Variants in EPB41L1 observed in about 807,000 individuals in gnomAD.
EPB41L1 encodes the protein band 4.1-like protein 1.
A neutral mutation model predicts 97.8 loss-of-function variants in EPB41L1; 29 were observed. The observed-to-expected ratio is 0.30, with a 90% CI of 0.22 to 0.40. The LOEUF is 0.40. Ranked by LOEUF, EPB41L1 falls within the 10% of genes least tolerant of loss-of-function variation. EPB41L1 has a pLI of 1.00. For synonymous variants in EPB41L1, 383 were observed against 459.2 expected (o/e 0.83, Z 2.12); for missense variants, 812 against 1,162.3 (o/e 0.70, Z 4.38).
intron 2 of EPB41L1, among the ~76,000 whole-genome samples, chr20:36,136,138 G>T (rs1397038179): frequency 1.3e-5 from 2 of 151,834 alleles, no homozygotes; most frequent in African/African-American, 4.8e-5. Context: ...TTTCAAAATT[G>T]TGGTAAAATA....
intron 12 of EPB41L1, among the ~76,000 whole-genome samples, chr20:36,194,930 ACAG>A (rs1262381120): frequency 1.3e-5 from 2 of 152,220 alleles, no homozygotes; most frequent in African/African-American, 4.8e-5. Flanking sequence ...ATGCACACAC[ACAG>A]GTGTGTGCAC....
Position 36,195,353 on chromosome 20 carries a change from C to T in EPB41L1, c.1474C>T (p.His492Tyr), listed in dbSNP as rs1480004462. The change falls in exon 13 of 22, where the codon CAC (histidine) becomes TAC (tyrosine). Residue 492 changes from histidine to tyrosine, a missense_variant. By Grantham distance (83) the His-to-Tyr change is moderately conservative (BLOSUM62 2). Transcript: ENST00000338074. The surrounding 1 kb of genome is among the most constrained non-coding windows in gnomAD (Gnocchi z 4.6). ...LKPEQETTPR[H>Y]KQEFLDKPED... ...GCCGGAGCAGGAAACCACGCCGAGA[C>T]ACAAGCAGGAGGTACTGCATGGGAC... 1 of 1,614,078 alleles carries T rather than the reference C, an allele frequency of 6.2e-7. No individual in the cohort carries two copies. The highest frequency in any genetic ancestry group is 1.7e-5 in the Admixed American group (1 of 60,018).
intron 16 of EPB41L1, among the ~76,000 whole-genome samples, chr20:36,213,475 C>T (rs1457905338): frequency 1.3e-5 from 2 of 152,090 alleles, no homozygotes; most frequent in African/African-American, 2.4e-5. Flanking sequence ...ATTTCTTTCT[C>T]CCACTTTTAT....
intron 1 of EPB41L1, among the ~76,000 whole-genome samples, chr20:36,165,749 G>T (rs941593565): frequency 6.6e-6 from 1 of 152,182 alleles, no homozygotes; most frequent in Non-Finnish European, 1.5e-5. Flanking sequence ...GATCAGATCG[G>T]AAGTGGAAGC....
intron 1 of EPB41L1, among the ~76,000 whole-genome samples, chr20:36,161,327 T>A (rs1359472956): frequency 6.6e-6 from 1 of 152,262 alleles, no homozygotes; most frequent in Non-Finnish European, 1.5e-5. Flanking sequence ...TTTGTCCATC[T>A]GTCTGGTGGT....
intron 1 of EPB41L1, chr20:36,155,381 C>G (rs537587567): frequency 5.5e-5 from 20 of 362,860 alleles, no homozygotes; most frequent in South Asian, 3.9e-4. Context: ...TTCCAAGTAC[C>G]TCAGAGCTGC....
rs1432058528 is a variant in EPB41L1, at chr20:36,103,034, T to C, written c.-64-9392T>C. Reference sequence around the variant, plus strand: ...TCACTGTTGAAATCCTGTCTGCCTTTTCAAGGCTCAGCTCAGATGCCAGCC... The same window carrying C: ...TCACTGTTGAAATCCTGTCTGCCTTCTCAAGGCTCAGCTCAGATGCCAGCC... On this transcript the variant is annotated intron_variant, in intron 1 of 19. Coordinates refer to the EPB41L1 transcript ENST00000202028. 3.9e-5 allele frequency among the ~76,000 whole-genome samples: 6 copies of C among 152,238 alleles called. No homozygotes were observed. The East Asian group carries it at 7.7e-4, about 20-fold the overall frequency.
intron 1 of EPB41L1, among the ~76,000 whole-genome samples, chr20:36,163,687 G>A (rs888088668): frequency 1.3e-5 from 2 of 152,134 alleles, no homozygotes; most frequent in African/African-American, 2.4e-5. Context: ...ACTAGCTCTC[G>A]GCCTGAATGA....
At chr20:36,142,015 G>C (rs1050173891) in intron 2 of EPB41L1, among the ~76,000 whole-genome samples, 1 of 151,654 alleles carries the variant, frequency 6.6e-6, no homozygotes, top group Non-Finnish European at 1.5e-5. Context: ...AGGCTGAGGT[G>C]GGAGAATTGC....
At position 36,206,630 on chromosome 20, in the gene EPB41L1, AG is replaced by A; in HGVS notation, c.1669-2856del. 1 of 1,289,832 alleles carries A rather than the reference AG, an allele frequency of 7.8e-7. No homozygotes were observed. 79.9% of individuals were successfully genotyped at this position (1,289,832 alleles called of 1,614,324 possible). ...TCTGCTGCTGCTTCCAGCAGGAGCA[AG>A]GACGAAGCCCACATGACTTCCCCAA... is the stretch of plus-strand genomic sequence containing the variant. On this transcript the variant is annotated intron_variant, in intron 14 of 21. Transcript: ENST00000338074. The surrounding 1 kb of genome is among the most constrained non-coding windows in gnomAD (Gnocchi z 5.5).
chr20:36,138,450 A>T (rs2059503567), intron 2 of EPB41L1, among the ~76,000 whole-genome samples: 1 of 151,778 alleles, frequency 6.6e-6, no homozygotes, highest in Admixed American at 6.6e-5. Flanking sequence ...TTTAGTAGAG[A>T]CAGGGTTTCA....
intron 11 of EPB41L1, among the ~76,000 whole-genome samples, chr20:36,192,412 T>A (rs1170590981): frequency 1.3e-5 from 2 of 150,466 alleles, no homozygotes; most frequent in East Asian, 3.9e-4. Context: ...GCGCCTGTAG[T>A]CCCAGCTACT....
Position 36,207,494 on chromosome 20 carries a change from T to C in EPB41L1, c.1669-1994T>C. The C allele has an allele frequency of 7.8e-7, 1 of 1,289,830 alleles. No individual in the cohort carries two copies. Among genetic ancestry groups the C allele is most frequent in the Non-Finnish European group, 1.0e-6 (1 of 988,880 alleles). The allele number at this position is 1,289,830 out of a possible 1,614,324, so 79.9% of individuals were successfully genotyped here. On this transcript the variant is annotated intron_variant, in intron 14 of 21. Coordinates refer to ENST00000338074, the MANE Select transcript of EPB41L1 (RefSeq NM_012156.2). The surrounding 1 kb of genome is among the most constrained non-coding windows in gnomAD (Gnocchi z 4.9). ...ACCCACGGAGCTGAAACTCGCCGAA[T>C]GAGTGAGGGTGAAGCAAGGTCCCTT...
intron 2 of EPB41L1, 27 bp downstream of exon 2, chr20:36,173,981 C>G: frequency 6.3e-7 from 1 of 1,597,894 alleles, no homozygotes; most frequent in East Asian, 2.3e-5. Context: ...ATGGGCGTAC[C>G]TTTCCTGCCC....
intron 1 of EPB41L1, among the ~76,000 whole-genome samples, chr20:36,105,974 C>T (rs2058177985): frequency 1.3e-5 from 2 of 152,178 alleles, no homozygotes; most frequent in South Asian, 4.1e-4. Flanking sequence ...CCACCTGGCC[C>T]TTTCCCCTGC....
intron 8 of EPB41L1, 123 bp downstream of exon 8, chr20:36,187,886 C>A: frequency 1.3e-6 from 1 of 790,802 alleles, no homozygotes; most frequent in Non-Finnish European, 2.2e-6. Flanking sequence ...CTTTTCTGTT[C>A]TCATTCTCAT....
At position 36,209,610 on chromosome 20, in the gene EPB41L1, C is replaced by T. The variant is rs1169649675; in HGVS notation, c.1791C>T (p.Asn597=). The stretch of plus-strand genomic sequence containing the variant: ...GGGACACGGTGTTCCTGAAGGACAA[C>T]CACCTGGCCATTGAGCGCAAGTGCT... ...QERDTVFLKD[N]HLAIERKCSS... Residue 597 remains asparagine, a synonymous_variant, in exon 15 of 22, where the codon AAC becomes AAT. Transcript: ENST00000338074. The surrounding 1 kb of genome is among the most constrained non-coding windows in gnomAD (Gnocchi z 4.2). 6.2e-7 allele frequency: 1 copy of T among 1,614,168 alleles called. No individual in the cohort carries two copies. Among genetic ancestry groups the T allele is most frequent in the Non-Finnish European group, 8.5e-7 (1 of 1,180,034 alleles).
chr20:36,183,232 TC>T (rs150873524), intron 6 of EPB41L1, among the ~76,000 whole-genome samples: 3,001 of 152,264 alleles, frequency 0.02, 65 homozygotes, highest in African/African-American at 0.055. Context: ...GGCTTGGAGT[TC>T]CCCTACAGCA....
chr20:36,200,834 C>T (rs1342105996), intron 14 of EPB41L1: 5 of 454,122 alleles, frequency 1.1e-5, no homozygotes, highest in Non-Finnish European at 1.3e-5. Flanking sequence ...TCCCTTCCTC[C>T]CTCTTTCCCT....
Sources: allele counts gnomAD v4.1 joint callset (sites outside exome capture counted in the v4.1 genomes callset), GRCh38; gene constraint gnomAD v4.1.1; non-coding constraint Gnocchi (gnomAD v3.1); transcripts MANE v1.5; gene names NCBI Gene and HGNC (gene_info 2026-07-23, HGNC 2026-07-21).